MARCHF1: variants seen among roughly 807,000 people sequenced by gnomAD.
MARCHF1 encodes the protein E3 ubiquitin-protein ligase MARCHF1.
In MARCHF1, 40 loss-of-function variants were observed where a neutral mutation model predicts 54.2. The observed-to-expected ratio is 0.74, with a 90% CI of 0.57 to 0.96. The LOEUF (loss-of-function observed/expected upper bound fraction) is 0.96. Among genes scored for constraint, MARCHF1 ranks in the 40% least tolerant of loss-of-function variants. The pLI is 0.00. For missense variants in MARCHF1, 586 were observed against 656.5 expected (o/e 0.89, Z 1.17); for synonymous variants, 236 against 236.3 (o/e 1.00, Z 0.01).
intron 4 of MARCHF1, among the ~76,000 whole-genome samples, chr4:163,748,032 C>T (rs1264010344): frequency 6.6e-6 from 1 of 152,190 alleles, no homozygotes; most frequent in East Asian, 1.9e-4. Flanking sequence ...ATTTATTGTT[C>T]CCCTTTCAGG....
chr4:163,947,535 C>T (rs1752048603), intron 3 of MARCHF1, among the ~76,000 whole-genome samples: 2 of 152,198 alleles, frequency 1.3e-5, no homozygotes, highest in African/African-American at 4.8e-5. Flanking sequence ...CCAAGTAACA[C>T]TGGACCCAGA....
chr4:164,102,941 C>CA (rs1755603582), intron 2 of MARCHF1, among the ~76,000 whole-genome samples: 1 of 121,780 alleles, frequency 8.2e-6, no homozygotes, highest in Non-Finnish European at 1.7e-5. Context: ...CAATGGAAAA[C>CA]AAAAAAAGGC....
intron 9 of MARCHF1, among the ~76,000 whole-genome samples, chr4:163,533,291 C>G (rs556673615): frequency 2.0e-5 from 3 of 152,030 alleles, no homozygotes; most frequent in African/African-American, 7.2e-5. Flanking sequence ...ATGTGACATT[C>G]TAGAAAAGGC....
intron 1 of MARCHF1, among the ~76,000 whole-genome samples, chr4:164,296,861 A>C (rs898995661): frequency 3.9e-5 from 6 of 152,168 alleles, no homozygotes; most frequent in African/African-American, 1.4e-4. Flanking sequence ...GCCAGGAAAA[A>C]GAGTATGTGA....
intron 1 of MARCHF1, among the ~76,000 whole-genome samples, chr4:164,269,020 A>G (rs527439182): frequency 6.6e-5 from 10 of 152,270 alleles, no homozygotes; most frequent in African/African-American, 2.4e-4. Flanking sequence ...TTTGGGGTTT[A>G]TATTTTTGAA....
At chr4:163,691,480 A>G (rs1744455093) in intron 5 of MARCHF1, among the ~76,000 whole-genome samples, 1 of 152,160 alleles carries the variant, frequency 6.6e-6, no homozygotes, top group African/African-American at 2.4e-5. Context: ...AAATATAGAA[A>G]TTATGGCCTG....
At chr4:163,841,692 A>G (rs1017926251) in intron 4 of MARCHF1, among the ~76,000 whole-genome samples, 1 of 152,140 alleles carries the variant, frequency 6.6e-6, no homozygotes, top group African/African-American at 2.4e-5. Flanking sequence ...AAAACAAGAT[A>G]ACCAGTTCTT....
chr4:163,583,602 C>T (rs950445023), intron 8 of MARCHF1: 4 of 150,318 alleles, frequency 2.7e-5, no homozygotes, highest in African/African-American at 4.9e-5. Context: ...CATAGGTGCC[C>T]ACTAGGTTGC....
intron 8 of MARCHF1, among the ~76,000 whole-genome samples, chr4:163,562,653 C>A (rs528510667): frequency 1.3e-4 from 20 of 152,248 alleles, no homozygotes; most frequent in African/African-American, 4.6e-4. Context: ...CTAGAGACAT[C>A]CTGATGACTT....
At chr4:163,599,995 T>C (rs1180823502) in intron 7 of MARCHF1, among the ~76,000 whole-genome samples, 3 of 152,190 alleles carry the variant, frequency 2.0e-5, no homozygotes, top group Non-Finnish European at 4.4e-5. Context: ...CAATGTCCTA[T>C]ATTTTAGATG....
At chr4:164,275,076 A>T (rs1733844089) in intron 1 of MARCHF1, among the ~76,000 whole-genome samples, 1 of 151,562 alleles carries the variant, frequency 6.6e-6, no homozygotes, top group Non-Finnish European at 1.5e-5. Flanking sequence ...AAATTCCTTT[A>T]ATAAAAATAT....
intron 1 of MARCHF1, among the ~76,000 whole-genome samples, chr4:164,346,578 A>T (rs1730104079): frequency 1.3e-5 from 1 of 78,176 alleles, no homozygotes; most frequent in Non-Finnish European, 3.0e-5. Flanking sequence ...ACAAATGCTG[A>T]TGTCCTCAAA....
chr4:164,373,357 T>C (rs997899633), intron 1 of MARCHF1, among the ~76,000 whole-genome samples: 3 of 142,492 alleles, frequency 2.1e-5, no homozygotes, highest in Non-Finnish European at 3.1e-5. Context: ...AACTACTTTT[T>C]TTTTTTTTTT....
At chr4:163,705,370 G>A (rs903438649) in intron 4 of MARCHF1, among the ~76,000 whole-genome samples, 5 of 151,644 alleles carry the variant, frequency 3.3e-5, no homozygotes, top group Non-Finnish European at 7.4e-5. Flanking sequence ...AAAGAAAATT[G>A]TGCCTTGCTC....
intron 5 of MARCHF1, among the ~76,000 whole-genome samples, chr4:163,671,451 C>G: frequency 6.6e-6 from 1 of 152,068 alleles, no homozygotes; most frequent in Admixed American, 6.6e-5. Context: ...TAATAGTTAT[C>G]CGACTTACTT....
chr4:164,007,656 G>C (rs202158164), intron 2 of MARCHF1, among the ~76,000 whole-genome samples: 47,419 of 144,288 alleles, frequency 0.33, 7,760 homozygotes, highest in Middle Eastern at 0.4. Context: ...CTGTGTGTGT[G>C]TGTGTGTGTG....
intron 4 of MARCHF1, among the ~76,000 whole-genome samples, chr4:163,829,308 T>G (rs1300823958): frequency 1.3e-5 from 2 of 152,146 alleles, no homozygotes; most frequent in Non-Finnish European, 2.9e-5. Flanking sequence ...GGTAAGAACT[T>G]TTCCATGCCT....
Position 163,669,310 on chromosome 4 carries a change from G to A in MARCHF1, c.162+31503C>T, listed in dbSNP as rs183276886. On this transcript the variant is annotated intron_variant, in intron 5 of 9. Coordinates refer to ENST00000514618, the MANE Select transcript of MARCHF1 (RefSeq NM_001394959.1). Reference sequence around the variant, plus strand: ...TGAGGCAAAGTGAGAATTTAGGCTTGCTCATGCCAAGCAAGTAGTACCACT... The same window carrying A: ...TGAGGCAAAGTGAGAATTTAGGCTTACTCATGCCAAGCAAGTAGTACCACT... Among the ~76,000 whole-genome samples, 81 of 152,252 alleles carry A rather than the reference G, an allele frequency of 5.3e-4. 1 individual carries two copies. Among genetic ancestry groups the A allele is most frequent in the African/African-American group, 1.9e-3 (79 of 41,566 alleles).
chr4:164,312,591 G>A (rs531341683), intron 1 of MARCHF1, among the ~76,000 whole-genome samples: 3 of 151,890 alleles, frequency 2.0e-5, no homozygotes, highest in Admixed American at 1.3e-4. Context: ...GAAAGTGCTG[G>A]GATTACAGGG....
Sources: gnomAD v4.1 joint callset for allele counts (sites outside exome capture counted in the v4.1 genomes callset) on GRCh38, gnomAD v4.1.1 for gene constraint, MANE v1.5 for transcripts, NCBI Gene and HGNC (gene_info 2026-07-23, HGNC 2026-07-21) for gene names.